STAT3: variants seen among roughly 807,000 people sequenced by gnomAD.
STAT3 encodes the protein DNA-binding protein APRF.
STAT3 carries 7 observed loss-of-function variants against 114.3 expected under a neutral mutation model. The ratio of observed to expected loss-of-function variants is 0.06; its 90% CI spans 0.03 to 0.11. The LOEUF is 0.11. Among genes scored for constraint, STAT3 ranks in the 10% least tolerant of loss-of-function variants. The pLI is 1.00. For missense variants in STAT3, 364 were observed against 960.9 expected, an observed-to-expected ratio of 0.38 and a Z score of 8.21; for synonymous variants, 331 against 354.5, an observed-to-expected ratio of 0.93 and a Z score of 0.74.
intron 1 of STAT3, among the ~76,000 whole-genome samples, chr17:42,353,661 C>A (rs944608272): frequency 4.6e-5 from 7 of 152,146 alleles, no homozygotes; most frequent in Admixed American, 3.3e-4. Flanking sequence ...TAACCTCCAA[C>A]TCCTGGGCTC....
intron 15 of STAT3, 171 bp from the exon 16 acceptor site, chr17:42,325,232 T>C: frequency 3.2e-6 from 2 of 628,942 alleles, no homozygotes; most frequent in Non-Finnish European, 5.6e-6. Flanking sequence ...GCACTCATAG[T>C]GGAAAGAATG....
intron 1 of STAT3, among the ~76,000 whole-genome samples, chr17:42,350,341 G>C (rs186343236): frequency 1.4e-4 from 22 of 152,316 alleles, no homozygotes; most frequent in Admixed American, 1.0e-3. Context: ...AGGTGCGATC[G>C]TGGAACCTCT....
intron 23 of STAT3, chr17:42,316,474 C>T (rs527771115): frequency 9.9e-6 from 5 of 507,098 alleles, no homozygotes; most frequent in African/African-American, 2.0e-5. Flanking sequence ...CCACCTCGGC[C>T]TCCCAAAGTG....
At chr17:42,362,374 G>C (rs915860229) in intron 1 of STAT3, among the ~76,000 whole-genome samples, 2 of 152,120 alleles carry the variant, frequency 1.3e-5, no homozygotes, top group Non-Finnish European at 2.9e-5. Context: ...AATGCATAGG[G>C]GGCCATGGCA....
chr17:42,340,598 T>A (rs1417497370), intron 4 of STAT3, among the ~76,000 whole-genome samples: 1 of 152,050 alleles, frequency 6.6e-6, no homozygotes, highest in Non-Finnish European at 1.5e-5. Flanking sequence ...GGGAGGATCA[T>A]TTAAGTCCAG....
chr17:42,328,315 A>G (rs773087766), intron 14 of STAT3, among the ~76,000 whole-genome samples: 16 of 152,220 alleles, frequency 1.1e-4, no homozygotes, highest in Non-Finnish European at 2.2e-4. Flanking sequence ...TTTTCTTAAT[A>G]TGTCATGTAC....
At chr17:42,342,364 T>C (rs562446953) in intron 4 of STAT3, among the ~76,000 whole-genome samples, 1 of 152,088 alleles carries the variant, frequency 6.6e-6, no homozygotes, top group South Asian at 2.1e-4. Flanking sequence ...ATGCCTGTAA[T>C]CCCAGCTACT....
At chr17:42,371,156 A>G (rs1170323238) in intron 1 of STAT3, among the ~76,000 whole-genome samples, 3 of 152,126 alleles carry the variant, frequency 2.0e-5, no homozygotes, top group Admixed American at 2.0e-4. Flanking sequence ...ATGGTGGTCT[A>G]CCATTTATTT....
At chr17:42,361,481 C>CAA (rs112008324) in intron 1 of STAT3, among the ~76,000 whole-genome samples, 1 of 123,840 alleles carries the variant, frequency 8.1e-6, no homozygotes, top group African/African-American at 3.0e-5. Context: ...AAAACTCTGT[C>CAA]AAAAAAAAAA....
chr17:42,385,382 A>T (rs1225140695), intron 1 of STAT3, among the ~76,000 whole-genome samples: 2 of 151,468 alleles, frequency 1.3e-5, no homozygotes, highest in East Asian at 3.9e-4. Flanking sequence ...AGTGGCGGGC[A>T]CCTGTAATCC....
At chr17:42,325,138 A>C in intron 15 of STAT3, 77 bp from the exon 16 acceptor site, 5 of 1,401,282 alleles carry the variant, frequency 3.6e-6, no homozygotes, top group Middle Eastern at 2.0e-4. Context: ...CCCGCATCTC[A>C]CGGGGCTCAG....
intron 23 of STAT3, chr17:42,316,219 T>C (rs2081242946): frequency 2.1e-6 from 1 of 478,626 alleles, no homozygotes; most frequent in Admixed American, 4.9e-5. Flanking sequence ...AAAAAAGGTC[T>C]CAACTTTTTC....
intron 4 of STAT3, chr17:42,345,320 TA>T (rs1382701331): frequency 2.0e-6 from 1 of 504,278 alleles, no homozygotes; most frequent in African/African-American, 2.0e-5. Flanking sequence ...ACAAAACTTT[TA>T]AACCATTGGG....
intron 4 of STAT3, among the ~76,000 whole-genome samples, chr17:42,344,620 G>T (rs777572547): frequency 6.6e-6 from 1 of 151,530 alleles, no homozygotes; most frequent in Non-Finnish European, 1.5e-5. Flanking sequence ...TCGGGAGGCT[G>T]AGGCAAGAGA....
At position 42,326,987 on chromosome 17, in the gene STAT3, G is replaced by A. The variant is rs146257200; in HGVS notation, c.1282-788C>T. ...AAACTGCCAGGGACACAACTTGCTC[G>A]GCACTTACTCTCTTCAACACCAAGA... On this transcript the variant is annotated intron_variant, in intron 14 of 23. Coordinates refer to ENST00000264657, the MANE Select transcript of STAT3 (RefSeq NM_139276.3). Among the ~76,000 whole-genome samples the A allele has an allele frequency of 3.7e-3, 561 of 152,144 alleles. 2 individuals are homozygous for A. The highest frequency in any genetic ancestry group is 0.013 in the African/African-American group (530 of 41,496).
intron 1 of STAT3, among the ~76,000 whole-genome samples, chr17:42,380,263 C>T (rs2084705800): frequency 6.6e-6 from 1 of 151,796 alleles, no homozygotes; most frequent in African/African-American, 2.4e-5. Flanking sequence ...TCTTGAACTC[C>T]TGACCCGCCT....
At position 42,323,005 on chromosome 17, in the gene STAT3, G is replaced by A. The variant is rs769658142; in HGVS notation, c.1887C>T (p.Ser629=). Residue 629 remains serine (S), a splice_region_variant and synonymous_variant, in exon 20 of 24, where the codon AGC becomes AGT. Transcript: ENST00000264657. The part of the protein sequence containing the change: ...VTFTWVEKDI[S]GKTQIQSVEP... Reference sequence around the variant, plus strand: ...GGGGTGGGTGGGAGCCTCCCTTACCGCTGATGTCCTTCTCCACCCAAGTGA... The same window carrying A: ...GGGGTGGGTGGGAGCCTCCCTTACCACTGATGTCCTTCTCCACCCAAGTGA... The A allele has an allele frequency of 1.1e-5, 17 of 1,613,574 alleles. No individual in the cohort carries two copies. Among genetic ancestry groups the A allele is most frequent in the Admixed American group, 5.0e-5 (3 of 60,002 alleles).
Position 42,316,811 on chromosome 17 carries a change from T to C in STAT3, c.2235A>G (p.Glu745=). 6.2e-7 allele frequency: 1 copy of C among 1,613,432 alleles called. No individual in the cohort carries two copies. The highest frequency in any genetic ancestry group is 8.5e-7 in the Non-Finnish European group (1 of 1,179,808). ...MQFGNNGEGA[E]PSAGGQFESL... Reference sequence around the variant, plus strand: ...CACCAAACTGCCCTCCTGCTGAGGGTTCAGCACCTTCACCATTATTTCCAA... The same window carrying C: ...CACCAAACTGCCCTCCTGCTGAGGGCTCAGCACCTTCACCATTATTTCCAA... Residue 745 remains glutamate, a synonymous_variant, in exon 23 of 24, where the codon GAA becomes GAG. Transcript: ENST00000264657.
chr17:42,360,790 A>T (rs2083471211), intron 1 of STAT3, among the ~76,000 whole-genome samples: 3 of 152,210 alleles, frequency 2.0e-5, no homozygotes, highest in South Asian at 2.1e-4. Context: ...ACAGACCCAC[A>T]TCTGGATGCT....
Sources: allele counts gnomAD v4.1 joint callset (sites outside exome capture counted in the v4.1 genomes callset), GRCh38; gene constraint gnomAD v4.1.1; transcripts MANE v1.5; gene names NCBI Gene and HGNC (gene_info 2026-07-23, HGNC 2026-07-21).